IGBP1: variants seen among roughly 807,000 people sequenced by gnomAD.
The protein encoded by IGBP1 is immunoglobulin binding protein 1.
IGBP1 carries 2 observed loss-of-function variants against 25.9 expected under a neutral mutation model. That is an observed-to-expected ratio of 0.08 (90% CI 0.03 to 0.24). The LOEUF (loss-of-function observed/expected upper bound fraction) is 0.24. Ranked by LOEUF, IGBP1 falls within the 10% of genes least tolerant of loss-of-function variation. The pLI is 1.00. For missense variants in IGBP1, 187 were observed against 260.4 expected (o/e 0.72, Z 1.94); for synonymous variants, 96 against 93.4 (o/e 1.03, Z -0.16).
rs756346703 is a variant in IGBP1 at position 70,160,822 on chromosome X, A to G, written c.872-5011A>G. On this transcript the variant is annotated intron_variant, in intron 6 of 6. Transcript: ENST00000356413. ...CAGTTCTCAGTAATTATATTGGTGG[A>G]GTGTCAAAGTTAGTGTTATTATTCC... Among the ~76,000 whole-genome samples the G allele has an allele frequency of 5.3e-5, 6 of 112,258 alleles. No homozygotes were observed. The East Asian group carries it at 1.7e-3, about 31-fold the overall frequency.
chrX:70,150,516 G>A (rs759680960), intron 6 of IGBP1, among the ~76,000 whole-genome samples, 194 bp downstream of exon 6: 2 of 111,579 alleles, frequency 1.8e-5, no homozygotes, highest in Non-Finnish European at 3.8e-5. Context: ...GTCAGTGATA[G>A]CATAGTTTGT....
At position 70,133,992 on chromosome X, in the gene IGBP1, G is replaced by T; in HGVS notation, c.45G>T (p.Leu15=). The change falls in exon 2 of 7, where the codon CTG becomes CTT. Residue 15 remains leucine, a synonymous_variant. Transcript: ENST00000356413. ...DELQLPRLPE[L]FETGRQLLDE... is the part of the protein sequence containing the mutation. ...TACAGCTGCCGCGGCTCCCCGAGCT[G>T]TTCGAAACTGGTAGACAGTTACTGG... 8.3e-7 allele frequency: 1 copy of T among 1,211,759 alleles called. No homozygotes were observed. The highest frequency in any genetic ancestry group is 1.1e-6 in the Non-Finnish European group (1 of 895,268).
intron 4 of IGBP1, 50 bp from the exon 5 acceptor site, chrX:70,148,711 A>G (rs2085182710): frequency 2.4e-6 from 2 of 842,919 alleles, no homozygotes; most frequent in East Asian, 6.4e-5. Flanking sequence ...CCCGTATGGT[A>G]TGTTGGGTAA....
At chrX:70,159,257 C>A (rs1337289638) in intron 6 of IGBP1, among the ~76,000 whole-genome samples, 1 of 111,504 alleles carries the variant, frequency 9.0e-6, no homozygotes, top group Non-Finnish European at 1.9e-5. Context: ...AAAAGATAAA[C>A]AGGGTTTGAG....
intron 3 of IGBP1, among the ~76,000 whole-genome samples, chrX:70,135,107 A>T (rs900650474): frequency 8.9e-6 from 1 of 112,130 alleles, no homozygotes; most frequent in Non-Finnish European, 1.9e-5. Context: ...AGCAATGTTC[A>T]TATGGTACAG....
chrX:70,138,362 C>T (rs1243761032), intron 3 of IGBP1, among the ~76,000 whole-genome samples: 1 of 107,813 alleles, frequency 9.3e-6, no homozygotes, highest in African/African-American at 3.4e-5. Context: ...TGGCACAGGC[C>T]TGTAGTCCCA....
rs1166685262 is a variant in IGBP1, at chrX:70,147,250, A to G, written c.678+422A>G. Among the ~76,000 whole-genome samples the G allele has an allele frequency of 4.5e-5, 5 of 111,119 alleles. No individual in the cohort carries two copies. In the Admixed American group the frequency reaches 4.8e-4, roughly 11 times the overall value. On this transcript the variant is annotated intron_variant, in intron 4 of 6. Coordinates refer to ENST00000356413, the MANE Select transcript of IGBP1 (RefSeq NM_001551.3). ...GGAGTTTGAGACCAGCCTGGCCAAC[A>G]TGGCGAAACCCCCTCTACTAAAAAT...
Position 70,146,617 on chromosome X carries a change from C to T in IGBP1, c.483-16C>T, listed in dbSNP as rs1569422607. On this transcript the variant is annotated splice_polypyrimidine_tract_variant and intron_variant, in intron 3 of 6. Transcript: ENST00000356413. The stretch of plus-strand genomic sequence containing the variant: ...TTCATTTGTAAGTTCATGGGTAATG[C>T]TTTTCTGTGGAACAGATACAAGCAG... 1 of 1,195,441 alleles carries T rather than the reference C, an allele frequency of 8.4e-7. No individual in the cohort carries two copies. The highest frequency in any genetic ancestry group is 2.2e-5 in the Admixed American group (1 of 45,752).
At chrX:70,150,391 A>G (rs2085195579) in intron 6 of IGBP1, 69 bp downstream of exon 6, 1 of 657,327 alleles carries the variant, frequency 1.5e-6, no homozygotes, top group South Asian at 2.3e-5. Context: ...AGTTCTTACC[A>G]AGTATAGTTG....
chrX:70,153,534 C>A (rs186977731), intron 6 of IGBP1, among the ~76,000 whole-genome samples: 1 of 112,426 alleles, frequency 8.9e-6, no homozygotes, highest in Non-Finnish European at 1.9e-5. Context: ...GCAAAAAGGA[C>A]AGGGTAAATG....
chrX:70,162,176 C>T (rs1428153245), intron 6 of IGBP1, among the ~76,000 whole-genome samples: 1 of 111,600 alleles, frequency 9.0e-6, no homozygotes, highest in Non-Finnish European at 1.9e-5. Flanking sequence ...CCTACAAATA[C>T]CACTTTGGTC....
intron 3 of IGBP1, 123 bp downstream of exon 3, chrX:70,134,939 G>A: frequency 1.5e-6 from 1 of 659,672 alleles, no homozygotes. Flanking sequence ...ATTGAGCATA[G>A]GCCCTAGGGA....
chrX:70,134,138 A>G lies in IGBP1; in HGVS notation c.188+3A>G. 1 of 1,203,121 alleles carries G rather than the reference A, an allele frequency of 8.3e-7. No homozygotes were observed. The highest frequency in any genetic ancestry group is 1.1e-6 in the Non-Finnish European group (1 of 887,341). On this transcript the variant is annotated splice_donor_region_variant and intron_variant, in intron 2 of 6. Transcript: ENST00000356413. ...TTATCGCAGCTCGACTTGTTCAGGTATGGGGGAAGATAGTAATAATGGCTG... is the reference window on the plus strand; with the variant it reads ...TTATCGCAGCTCGACTTGTTCAGGTGTGGGGGAAGATAGTAATAATGGCTG...
intron 6 of IGBP1, among the ~76,000 whole-genome samples, chrX:70,156,831 T>G (rs1425103235): frequency 9.0e-6 from 1 of 111,348 alleles, no homozygotes; most frequent in Non-Finnish European, 1.9e-5. Flanking sequence ...TCCCAGCTAT[T>G]CGGGAGGCCG....
chrX:70,146,533 C>T (rs1602667081), intron 3 of IGBP1, 100 bp from the exon 4 acceptor site: 3 of 662,705 alleles, frequency 4.5e-6, no homozygotes, highest in East Asian at 3.4e-5. Context: ...GGTATGCTTA[C>T]TACCCTATCA....
At position 70,133,466 on chromosome X, in the gene IGBP1, C is replaced by G. The variant is rs2085074744; in HGVS notation, c.-300C>G. 4.1e-6 allele frequency: 1 copy of G among 242,985 alleles called. No individual in the cohort carries two copies. Among genetic ancestry groups the G allele is most frequent in the Non-Finnish European group, 7.4e-6 (1 of 135,721 alleles). The allele number at this position is 242,985 out of a possible 1,213,427, so 20.0% of individuals were successfully genotyped here. ...CTACTTGCACTTCGCGCTCAAGCGA[C>G]CGGATCTTCAAACCGTGGGAGTGGT... On this transcript the variant is annotated 5_prime_UTR_variant, in exon 1 of 7. Coordinates refer to ENST00000356413, the MANE Select transcript of IGBP1 (RefSeq NM_001551.3).
At chrX:70,156,961 C>T (rs772724731) in intron 6 of IGBP1, among the ~76,000 whole-genome samples, 4 of 111,566 alleles carry the variant, frequency 3.6e-5, no homozygotes, top group African/African-American at 6.5e-5. Context: ...AAATAAAATA[C>T]AGAGTAGATG....
rs1556191743 is a variant in IGBP1, at chrX:70,137,751, C to CAAG, written c.482+2937_482+2938insGAA. On this transcript the variant is annotated intron_variant, in intron 3 of 6. Transcript: ENST00000356413. ...TGAGTTTGGTATCCAAATAATTATA[C>CAAG]AAAAAAAAAAAAAAAAAAAAACTGC... is the stretch of plus-strand genomic sequence containing the variant. Among the ~76,000 whole-genome samples, 41 of 21,725 alleles carry CAAG rather than the reference C, an allele frequency of 1.9e-3. 1 individual carries two copies. The highest frequency in any genetic ancestry group is 5.7e-3 in the African/African-American group (39 of 6,793). 18.9% of individuals were successfully genotyped at this position (21,725 alleles called of 115,157 possible).
At position 70,146,758 on chromosome X, in the gene IGBP1, T is replaced by A; in HGVS notation, c.608T>A (p.Ile203Asn). ...YLLHLQRWID[I>N]SLEEIESIDQ... ...CTTCACCTTCAGAGGTGGATTGATA[T>A]CAGCTTAGAAGAGATTGAGAGCATT... The change falls in exon 4 of 7, where the codon ATC becomes AAC. Residue 203 changes from isoleucine (I) to asparagine (N), a missense_variant. Transcript: ENST00000356413. The A allele has an allele frequency of 2.5e-6, 3 of 1,183,050 alleles. No individual in the cohort carries two copies. The highest frequency in any genetic ancestry group is 1.8e-5 in the South Asian group (1 of 56,011).
Sources: allele counts gnomAD v4.1 joint callset (sites outside exome capture counted in the v4.1 genomes callset), GRCh38; gene constraint gnomAD v4.1.1; transcripts MANE v1.5; gene names NCBI Gene and HGNC (gene_info 2026-07-23, HGNC 2026-07-21).